Variants in GPR137B observed in about 807,000 individuals in gnomAD.
GPR137B encodes the protein G protein-coupled receptor 137B, also known as integral membrane protein GPR137B.
In GPR137B, 42 loss-of-function variants were observed where a neutral mutation model predicts 42.5. That is an observed-to-expected ratio of 0.99 (90% CI 0.77 to 1.28). The LOEUF (loss-of-function observed/expected upper bound fraction) is 1.28, where lower values mean the gene tolerates loss of function less well. Among genes scored for constraint, GPR137B ranks in the 50% most tolerant of loss-of-function variants. The pLI is 0.00. For synonymous variants in GPR137B, 218 were observed against 209.7 expected (o/e 1.04, Z -0.34); for missense variants, 487 against 493.9 (o/e 0.99, Z 0.13).
intron 5 of GPR137B, among the ~76,000 whole-genome samples, chr1:236,203,535 G>A (rs1663562840): frequency 6.6e-6 from 1 of 152,116 alleles, no homozygotes; most frequent in Admixed American, 6.6e-5. Context: ...TTTTAGGATT[G>A]TTTTTTCTAT....
intron 2 of GPR137B, among the ~76,000 whole-genome samples, chr1:236,172,528 G>C (rs925136341): frequency 6.6e-6 from 1 of 152,118 alleles, no homozygotes; most frequent in Non-Finnish European, 1.5e-5. Context: ...GGAGTGGAAG[G>C]CAATTTAATT....
Position 236,151,417 on chromosome 1 carries a change from C to CCTT in GPR137B, c.414+8381_414+8382insCTT, listed in dbSNP as rs1405128961. ...CCACATATGGTCTCTGTTGCATATTCATTTTTTTTTTTTTTTTTTTTTTTT... is the reference window on the plus strand; with the variant it reads ...CCACATATGGTCTCTGTTGCATATTCCTTATTTTTTTTTTTTTTTTTTTTTTTT... On this transcript the variant is annotated intron_variant, in intron 1 of 6. Transcript: ENST00000366592. 3.9e-4 allele frequency among the ~76,000 whole-genome samples: 50 copies of CCTT among 126,604 alleles called. 1 individual carries two copies. The East Asian group carries it at 4.2e-3, about 11-fold the overall frequency. 83.1% of individuals were successfully genotyped at this position (126,604 alleles called of 152,430 possible).
rs1661561467 is a variant in GPR137B, at chr1:236,142,790, CTTCGTG to C, written c.172_177del (p.Val58_Phe59del). 1.2e-6 allele frequency: 2 copies of C among 1,614,050 alleles called. No individual in the cohort carries two copies. Among genetic ancestry groups the C allele is most frequent in the East Asian group, 4.5e-5 (2 of 44,866 alleles). Reference sequence around the variant, plus strand: ...TCTACACCGTGTTCTACGCGCTGCTCTTCGTGTTCATCTACGTGCAGCTCTGGCTGG... The same window carrying C: ...TCTACACCGTGTTCTACGCGCTGCTCTTCATCTACGTGCAGCTCTGGCTGG... On this transcript the variant is annotated inframe_deletion, in exon 1 of 7. Transcript: ENST00000366592.
At chr1:236,187,068 T>C (rs982705866) in intron 5 of GPR137B, among the ~76,000 whole-genome samples, 19 of 152,340 alleles carry the variant, frequency 1.2e-4, no homozygotes, top group East Asian at 5.8e-4. Flanking sequence ...GGTATCTCAT[T>C]GTAGTTTTGA....
At position 236,186,353 on chromosome 1, in the gene GPR137B, ATAT is replaced by A. The variant is rs1235471010; in HGVS notation, c.966+2453_966+2455del. The stretch of plus-strand genomic sequence containing the variant: ...TATAATTATATATATTATATAATAT[ATAT>A]TATTAAGTTCTGGGGTACATGTGCA... On this transcript the variant is annotated intron_variant, in intron 5 of 6. Transcript: ENST00000366592. Among the ~76,000 whole-genome samples, 129 of 122,050 alleles carry A rather than the reference ATAT, an allele frequency of 1.1e-3. 2 individuals are homozygous for A. Among genetic ancestry groups the A allele is most frequent in the African/African-American group, 3.8e-3 (125 of 33,060 alleles). The allele number at this position is 122,050 out of a possible 152,430, so 80.1% of individuals were successfully genotyped here.
At chr1:236,175,398 A>C (rs1662657072) in intron 2 of GPR137B, among the ~76,000 whole-genome samples, 1 of 152,140 alleles carries the variant, frequency 6.6e-6, no homozygotes, top group African/African-American at 2.4e-5. Flanking sequence ...GTATTGCTCA[A>C]GGGTCAACTG....
intron 5 of GPR137B, among the ~76,000 whole-genome samples, chr1:236,184,134 C>T (rs1662956921): frequency 6.6e-6 from 1 of 152,138 alleles, no homozygotes; most frequent in Non-Finnish European, 1.5e-5. Context: ...TTATAAGTTG[C>T]ATCTTAAGGC....
Position 236,166,325 on chromosome 1 carries a change from T to C in GPR137B, c.415-2381T>C, listed in dbSNP as rs549502224. On this transcript the variant is annotated intron_variant, in intron 1 of 6. Transcript: ENST00000366592. ...TTTCTTTTTACGGATGTCAGAGAAA[T>C]ACCAAAGGTGACGTGTCTTGCCTAA... is the stretch of plus-strand genomic sequence containing the variant. Among the ~76,000 whole-genome samples, 30 of 151,620 alleles carry C rather than the reference T, an allele frequency of 2.0e-4. 1 individual carries two copies. The South Asian group carries it at 6.0e-3, about 30-fold the overall frequency.
chr1:236,185,015 C>T (rs1662983066), intron 5 of GPR137B, among the ~76,000 whole-genome samples: 1 of 152,122 alleles, frequency 6.6e-6, no homozygotes, highest in African/African-American at 2.4e-5. Context: ...GATCCGACCG[C>T]CTCAGCCTCC....
chr1:236,155,849 C>T lies in GPR137B; in HGVS notation c.414+12813C>T, dbSNP rs549574251. On this transcript the variant is annotated intron_variant, in intron 1 of 6. Coordinates refer to ENST00000366592, the MANE Select transcript of GPR137B (RefSeq NM_003272.4). The surrounding 1 kb of genome is among the most constrained non-coding windows in gnomAD (Gnocchi z 4.6). ...GGTAAAGACTGTTATCCCATTATCA[C>T]TTATGAAATGAGGAATGCCTTGTGA... Among the ~76,000 whole-genome samples the T allele has an allele frequency of 3.9e-5, 6 of 152,326 alleles. No homozygotes were observed. In the East Asian group the frequency reaches 7.7e-4, roughly 20 times the overall value.
chr1:236,151,417 CATTTT>C (rs1159980886), intron 1 of GPR137B, among the ~76,000 whole-genome samples: 2 of 126,570 alleles, frequency 1.6e-5, no homozygotes, highest in African/African-American at 6.1e-5. Flanking sequence ...GTTGCATATT[CATTTT>C]TTTTTTTTTT....
At chr1:236,152,179 T>C (rs764656532) in intron 1 of GPR137B, among the ~76,000 whole-genome samples, 18 of 152,084 alleles carry the variant, frequency 1.2e-4, no homozygotes, top group Non-Finnish European at 1.6e-4. Flanking sequence ...AAAATTGTAT[T>C]GTCTGGGTGT....
chr1:236,193,920 C>A (rs1663265906), intron 5 of GPR137B, among the ~76,000 whole-genome samples: 1 of 152,076 alleles, frequency 6.6e-6, no homozygotes. Flanking sequence ...GGTGTCATAC[C>A]CAAGAACCCT....
In GPR137B at chr1:236,208,226, A is replaced by T; in HGVS notation, c.*68A>T. 6.4e-7 allele frequency: 1 copy of T among 1,568,624 alleles called. No homozygotes were observed. ...TTCAGAAAAGCATAGTGACAGCTGA[A>T]TTTTTAGGGCACTTTTCCTTAAGAA... is the stretch of plus-strand genomic sequence containing the variant. On this transcript the variant is annotated 3_prime_UTR_variant, in exon 7 of 7. Coordinates refer to ENST00000366592, the MANE Select transcript of GPR137B (RefSeq NM_003272.4).
intron 5 of GPR137B, among the ~76,000 whole-genome samples, chr1:236,184,780 C>G (rs1012000814): frequency 1.4e-5 from 2 of 146,342 alleles, no homozygotes; most frequent in African/African-American, 2.7e-5. Context: ...GTTTTTTTTT[C>G]TTTTGAGATG....
At chr1:236,180,935 A>G (rs73122915) in intron 4 of GPR137B, among the ~76,000 whole-genome samples, 1,995 of 152,270 alleles carry the variant, frequency 0.013, 59 homozygotes, top group African/African-American at 0.046. Context: ...TTTTTTTAAC[A>G]TGCTTCCATA....
At chr1:236,175,836 G>C (rs978854943) in intron 2 of GPR137B, among the ~76,000 whole-genome samples, 1 of 152,104 alleles carries the variant, frequency 6.6e-6, no homozygotes, top group Non-Finnish European at 1.5e-5. Flanking sequence ...GAAGCAGCGG[G>C]GCTTGCTTGG....
rs775789454 is a variant in GPR137B, at chr1:236,179,987, G to A, written c.796G>A (p.Val266Ile). The change falls in exon 4 of 7, where the codon GTC becomes ATC. Residue 266 changes from valine to isoleucine, a missense_variant. By Grantham distance (29) the Val-to-Ile change is conservative. Coordinates refer to ENST00000366592, the MANE Select transcript of GPR137B (RefSeq NM_003272.4). ...CCTGTCATTTTCTCAGAACAAGAGC[G>A]TCCATTCCTTTGATTATGACTGGTA... ...FILSFSQNKS[V>I]HSFDYDWYNV... The A allele has an allele frequency of 8.1e-6, 13 of 1,613,684 alleles. No homozygotes were observed. The highest frequency in any genetic ancestry group is 1.6e-4 in the Middle Eastern group (1 of 6,062).
chr1:236,206,851 G>A (rs1381511895), intron 6 of GPR137B, among the ~76,000 whole-genome samples: 1 of 152,122 alleles, frequency 6.6e-6, no homozygotes, highest in East Asian at 1.9e-4. Flanking sequence ...GGTGAGAGGA[G>A]CCAAAAGGGC....
Sources: allele counts gnomAD v4.1 joint callset (sites outside exome capture counted in the v4.1 genomes callset), GRCh38; gene constraint gnomAD v4.1.1; non-coding constraint Gnocchi (gnomAD v3.1); transcripts MANE v1.5; gene names NCBI Gene and HGNC (gene_info 2026-07-23, HGNC 2026-07-21).